Variants in PYGL observed in about 807,000 individuals in gnomAD.
PYGL encodes the protein glycogen phosphorylase, liver form.
A neutral mutation model predicts 100.1 loss-of-function variants in PYGL; 90 were observed. The observed-to-expected ratio is 0.90, with a 90% CI of 0.76 to 1.07. The LOEUF is 1.07. PYGL is among the 50% of genes least tolerant of loss of function. The probability of loss-of-function intolerance (pLI) is 0.00; values close to 1 mark genes in which losing one functional copy is unlikely to be tolerated. For missense variants in PYGL, 1,016 were observed against 1,057.6 expected, an observed-to-expected ratio of 0.96 and a Z score of 0.55; for synonymous variants, 373 against 393.0, an observed-to-expected ratio of 0.95 and a Z score of 0.60.
In PYGL at chr14:50,921,039, G is replaced by A; in HGVS notation, c.689C>T (p.Pro230Leu). The A allele has an allele frequency of 2.5e-6, 4 of 1,614,180 alleles. No homozygotes were observed. The highest frequency in any genetic ancestry group is 3.4e-6 in the Non-Finnish European group (4 of 1,180,010). The change falls in exon 6 of 20, where the codon CCC becomes CTC. Residue 230 changes from proline (P) to leucine (L), a missense_variant. Physicochemically the swap from Pro to Leu is moderately conservative, Grantham distance 98. Transcript: ENST00000216392. The stretch of plus-strand genomic sequence containing the variant: ...AGTGTTATTCATGTAGCCGGGCACG[G>A]GGGTGTCATATGGCAGAGCCAGGAC... The part of the protein sequence containing the change: ...QVVLALPYDT[P>L]VPGYMNNTVN...
intron 18 of PYGL, 30 bp downstream of exon 18, chr14:50,908,791 A>G (rs1461839663): frequency 1.3e-6 from 2 of 1,538,392 alleles, no homozygotes; most frequent in Non-Finnish European, 1.8e-6. Context: ...TTCATGATCC[A>G]AATAGCACCA....
At chr14:50,934,181 CA>C (rs1376804441) in intron 3 of PYGL, among the ~76,000 whole-genome samples, 1 of 151,976 alleles carries the variant, frequency 6.6e-6, no homozygotes, top group Non-Finnish European at 1.5e-5. Context: ...CTGAAAAAAG[CA>C]AAGAACTCAA....
rs1323759291 is a variant in PYGL at position 50,911,997 on chromosome 14, G to A, written c.1808C>T (p.Thr603Ile). The change falls in exon 15 of 20, where the codon ACA becomes ATA. Residue 603 changes from threonine to isoleucine, a missense_variant. Physicochemically the swap from Thr to Ile is moderately conservative, Grantham distance 89. Transcript: ENST00000216392. ...KDPKKLFVPR[T>I]VIIGGKAAPG... is the part of the protein sequence containing the mutation. ...ACTTACTTTACCACCAATGATAACT[G>A]TCCTTGGCACGAATAACTTCTTAGG... is the stretch of plus-strand genomic sequence containing the variant. 11 of 1,613,682 alleles carry A rather than the reference G, an allele frequency of 6.8e-6. No homozygotes were observed. Among genetic ancestry groups the A allele is most frequent in the Admixed American group, 3.3e-5 (2 of 60,000 alleles).
chr14:50,909,932 T>C lies in PYGL; in HGVS notation c.2140A>G (p.Met714Val). ...AGEENLFIFG[M>V]RIDDVAALDK... ...AAAGCAGCCACATCATCTATCCTCA[T>C]GCCAAAGATGAACAGGTTCTCTTCC... The change falls in exon 17 of 20, where the codon ATG becomes GTG. Residue 714 changes from methionine to valine, a missense_variant. Met to Val is a conservative substitution (Grantham distance 21). Transcript: ENST00000216392. 1 of 1,614,206 alleles carries C rather than the reference T, an allele frequency of 6.2e-7. No homozygotes were observed. Among genetic ancestry groups the C allele is most frequent in the Non-Finnish European group, 8.5e-7 (1 of 1,180,034 alleles).
chr14:50,913,264 G>A, intron 12 of PYGL, 134 bp from the exon 13 acceptor site: 3 of 743,980 alleles, frequency 4.0e-6, no homozygotes, highest in Non-Finnish European at 7.1e-6. Flanking sequence ...GGGATAGTTT[G>A]ACTCAAAGAA....
At chr14:50,928,358 T>C (rs2139187582) in intron 4 of PYGL, among the ~76,000 whole-genome samples, 2 of 152,300 alleles carry the variant, frequency 1.3e-5, no homozygotes, top group South Asian at 2.1e-4. Context: ...ACAGTGATAA[T>C]TAGAAGCTTG....
Position 50,931,700 on chromosome 14 carries a change from G to GA in PYGL, c.500dup (p.Asn168GlnfsTer15). ...GCCATCCATCTCGGATCTTCTGATT[G>GA]AAAATCCCATATTCATACCGAATGC... On this transcript the variant is annotated frameshift_variant, in exon 4 of 20. Coordinates refer to ENST00000216392, the MANE Select transcript of PYGL (RefSeq NM_002863.5). LOFTEE classifies it high-confidence loss of function. 1 of 1,613,902 alleles carries GA rather than the reference G, an allele frequency of 6.2e-7. No homozygotes were observed. The highest frequency in any genetic ancestry group is 1.3e-5 in the African/African-American group (1 of 75,002).
At chr14:50,922,820 G>A (rs573501813) in intron 5 of PYGL, among the ~76,000 whole-genome samples, 7 of 152,262 alleles carry the variant, frequency 4.6e-5, no homozygotes, top group Middle Eastern at 3.4e-3. Flanking sequence ...ACAGTCTGAA[G>A]CCTTCCCACC....
intron 13 of PYGL, among the ~76,000 whole-genome samples, chr14:50,912,651 G>A (rs2050410251): frequency 6.6e-6 from 1 of 152,098 alleles, no homozygotes. Context: ...TGGGTGGTCT[G>A]TTTTTAAAAA....
chr14:50,919,665 T>C (rs1025035746), intron 7 of PYGL, among the ~76,000 whole-genome samples: 34 of 75,544 alleles, frequency 4.5e-4, no homozygotes, highest in African/African-American at 1.7e-3. Context: ...CAGTTCCAAG[T>C]GGTGTGTGTG....
intron 19 of PYGL, 74 bp from the exon 20 acceptor site, chr14:50,905,630 A>G (rs954256841): frequency 1.5e-6 from 2 of 1,335,592 alleles, no homozygotes; most frequent in African/African-American, 2.9e-5. Flanking sequence ...TCAGCCAAGC[A>G]CATCCAAACA....
At chr14:50,944,120 C>A in intron 1 of PYGL, 41 bp downstream of exon 1, 1 of 1,570,938 alleles carries the variant, frequency 6.4e-7, no homozygotes, top group Non-Finnish European at 8.6e-7. Flanking sequence ...GAGACTCCGA[C>A]TCCGGGCTGG....
intron 2 of PYGL, among the ~76,000 whole-genome samples, chr14:50,935,624 G>C (rs774938392): frequency 3.3e-5 from 5 of 152,200 alleles, no homozygotes; most frequent in Non-Finnish European, 5.9e-5. Flanking sequence ...AATTGTGTGT[G>C]TGTGTGTACA....
chr14:50,922,565 C>T (rs1453267543), intron 5 of PYGL, among the ~76,000 whole-genome samples: 2 of 152,194 alleles, frequency 1.3e-5, no homozygotes, highest in Admixed American at 6.5e-5. Flanking sequence ...AAGAAGTGCA[C>T]AGCTTAGATC....
chr14:50,921,697 A>G (rs1328820338), intron 5 of PYGL, among the ~76,000 whole-genome samples: 1 of 152,186 alleles, frequency 6.6e-6, no homozygotes, highest in African/African-American at 2.4e-5. Context: ...TTTATCTTTC[A>G]TGTTTCAGAT....
chr14:50,941,697 G>A (rs745504335), intron 1 of PYGL, among the ~76,000 whole-genome samples: 4 of 152,116 alleles, frequency 2.6e-5, no homozygotes, highest in Non-Finnish European at 4.4e-5. Context: ...TGTCCAAATG[G>A]TGGAATCCTG....
intron 9 of PYGL, 103 bp from the exon 10 acceptor site, chr14:50,916,074 C>G: frequency 6.7e-7 from 1 of 1,484,406 alleles, no homozygotes; most frequent in Non-Finnish European, 9.3e-7. Context: ...AGGACCATTC[C>G]AAGTGTGCAT....
chr14:50,916,903 A>C, intron 8 of PYGL, 59 bp downstream of exon 8: 1 of 1,586,170 alleles, frequency 6.3e-7, no homozygotes, highest in Non-Finnish European at 8.7e-7. Context: ...TTAATCTGAT[A>C]GGAAATCCCA....
At chr14:50,928,123 G>A (rs185247435) in intron 4 of PYGL, among the ~76,000 whole-genome samples, 28 of 152,266 alleles carry the variant, frequency 1.8e-4, no homozygotes, top group African/African-American at 6.7e-4. Context: ...GCTGGACTAG[G>A]CATTTCTTTA....
Sources: gnomAD v4.1 joint callset for allele counts (sites outside exome capture counted in the v4.1 genomes callset) on GRCh38, gnomAD v4.1.1 for gene constraint, MANE v1.5 for transcripts, NCBI Gene and HGNC (gene_info 2026-07-23, HGNC 2026-07-21) for gene names.